CD38: variants seen among roughly 807,000 people sequenced by gnomAD.
CD38 encodes CD38 molecule, also known as ADP-ribosyl cyclase/cyclic ADP-ribose hydrolase 1.
A neutral mutation model predicts 36.3 loss-of-function variants in CD38; 31 were observed. The ratio of observed to expected loss-of-function variants is 0.85; its 90% CI spans 0.64 to 1.15. The LOEUF (loss-of-function observed/expected upper bound fraction) is 1.15. Ranked by LOEUF, CD38 falls within the 50% of genes most tolerant of loss-of-function variation. CD38 has a pLI of 0.00. For missense variants in CD38, 380 were observed against 371.9 expected, an observed-to-expected ratio of 1.02 and a Z score of -0.18; for synonymous variants, 131 against 135.2, an observed-to-expected ratio of 0.97 and a Z score of 0.22.
chr4:15,850,194 G>A lies in CD38; in HGVS notation c.*1592G>A, dbSNP rs1252923810. 2.0e-5 allele frequency: 3 copies of A among 152,240 alleles called. No individual in the cohort carries two copies. The highest frequency in any genetic ancestry group is 4.4e-5 in the Non-Finnish European group (3 of 68,104). 9.4% of individuals were successfully genotyped at this position (152,240 alleles called of 1,614,324 possible). On this transcript the variant is annotated 3_prime_UTR_variant, in exon 8 of 8. Coordinates refer to ENST00000226279, the MANE Select transcript of CD38 (RefSeq NM_001775.4). ...TGCACCTGTAGTCCCAGCTACTCTG[G>A]AGACTGAGGTGGGAGGATTGTTTGA... is the stretch of plus-strand genomic sequence containing the variant.
intron 1 of CD38, among the ~76,000 whole-genome samples, chr4:15,800,660 A>G (rs926340912): frequency 1.3e-5 from 2 of 152,212 alleles, no homozygotes; most frequent in Non-Finnish European, 2.9e-5. Context: ...GAAATTAAGC[A>G]ACATACTCCA....
chr4:15,830,130 A>G (rs546053098), intron 3 of CD38, among the ~76,000 whole-genome samples: 9 of 152,168 alleles, frequency 5.9e-5, no homozygotes, highest in Non-Finnish European at 1.5e-5. Context: ...GCTGGATCAT[A>G]TAATAGCTCT....
chr4:15,833,638 T>C (rs1013545089), intron 3 of CD38, among the ~76,000 whole-genome samples: 9 of 152,236 alleles, frequency 5.9e-5, no homozygotes, highest in African/African-American at 2.2e-4. Flanking sequence ...TTTCTACCTC[T>C]AAGACCTAAA....
intron 1 of CD38, among the ~76,000 whole-genome samples, chr4:15,791,642 T>A (rs868612069): frequency 2.9e-4 from 14 of 48,868 alleles, no homozygotes; most frequent in African/African-American, 2.5e-3. Flanking sequence ...GTCAGCCCCC[T>A]GCCCGGCCAG....
At chr4:15,780,301 T>A (rs1201478658) in intron 1 of CD38, among the ~76,000 whole-genome samples, 2 of 152,154 alleles carry the variant, frequency 1.3e-5, no homozygotes, top group Non-Finnish European at 2.9e-5. Context: ...TCCCACAATC[T>A]CTTGAATGCT....
At chr4:15,826,226 T>C (rs1380741308) in intron 3 of CD38, 3 of 152,168 alleles carry the variant, frequency 2.0e-5, no homozygotes, top group Non-Finnish European at 2.9e-5. Flanking sequence ...AGGGTAACTA[T>C]TATCAGCAAT....
chr4:15,788,600 G>C (rs1722892081), intron 1 of CD38, among the ~76,000 whole-genome samples: 1 of 152,142 alleles, frequency 6.6e-6, no homozygotes, highest in African/African-American at 2.4e-5. Context: ...CTCTGCTGAT[G>C]AAGAACAGAC....
At chr4:15,841,726 G>C (rs1724214156) in intron 7 of CD38, among the ~76,000 whole-genome samples, 1 of 148,780 alleles carries the variant, frequency 6.7e-6, no homozygotes, top group African/African-American at 2.6e-5. Flanking sequence ...GCCGAAGCAG[G>C]GCGAGGCATT....
At chr4:15,799,924 C>T (rs938821334) in intron 1 of CD38, among the ~76,000 whole-genome samples, 4 of 152,154 alleles carry the variant, frequency 2.6e-5, no homozygotes, top group Non-Finnish European at 5.9e-5. Flanking sequence ...CACACTTCAC[C>T]CTCATACAGT....
chr4:15,842,350 CT>C (rs1172669880), intron 7 of CD38, among the ~76,000 whole-genome samples: 3 of 131,124 alleles, frequency 2.3e-5, no homozygotes, highest in Non-Finnish European at 4.8e-5. Context: ...GCTGAGGGTC[CT>C]GTCTGTTAGA....
chr4:15,795,870 C>T (rs57676822), intron 1 of CD38, among the ~76,000 whole-genome samples: 76 of 152,078 alleles, frequency 5.0e-4, no homozygotes, highest in African/African-American at 1.7e-3. Context: ...TATAAATTTC[C>T]GACGGCATAT....
At chr4:15,784,315 G>A (rs1272954229) in intron 1 of CD38, among the ~76,000 whole-genome samples, 3 of 152,222 alleles carry the variant, frequency 2.0e-5, no homozygotes, top group Non-Finnish European at 4.4e-5. Context: ...GAAAGAAATA[G>A]CATTTCAGGT....
intron 2 of CD38, among the ~76,000 whole-genome samples, chr4:15,820,410 T>C (rs28750406): frequency 0.04 from 6,110 of 152,046 alleles, 178 homozygotes; most frequent in African/African-American, 0.074. Flanking sequence ...AGCTGGATAG[T>C]CAAGATCAAT....
At chr4:15,839,532 T>G (rs1371125640) in intron 5 of CD38, among the ~76,000 whole-genome samples, 2 of 146,876 alleles carry the variant, frequency 1.4e-5, no homozygotes, top group Non-Finnish European at 3.0e-5. Context: ...CACGCCATTC[T>G]CCTCCCTCAG....
Position 15,850,830 on chromosome 4 carries a change from T to A in CD38, c.*2228T>A, listed in dbSNP as rs1313405837. On this transcript the variant is annotated 3_prime_UTR_variant, in exon 8 of 8. Coordinates refer to ENST00000226279, the MANE Select transcript of CD38 (RefSeq NM_001775.4). ...TGCCATTAGCTCCCCCTGCAGAATGTCTTCAGAATCGGGGCCCGGTCAGTC... is the reference window on the plus strand; with the variant it reads ...TGCCATTAGCTCCCCCTGCAGAATGACTTCAGAATCGGGGCCCGGTCAGTC... 6.6e-6 allele frequency: 1 copy of A among 152,198 alleles called. No individual in the cohort carries two copies. Among genetic ancestry groups the A allele is most frequent in the East Asian group, 1.9e-4 (1 of 5,198 alleles). 9.4% of individuals were successfully genotyped at this position (152,198 alleles called of 1,614,324 possible). A position where few individuals can be genotyped will look rare whatever the true frequency, so the allele number is the denominator to read the frequency against.
At chr4:15,848,512 A>T in intron 7 of CD38, 27 bp from the exon 8 acceptor site, 3 of 1,591,464 alleles carry the variant, frequency 1.9e-6, no homozygotes, top group African/African-American at 1.3e-5. Flanking sequence ...CGGTCTCTTG[A>T]TTTCCTTTTT....
At chr4:15,823,294 A>G (rs1420221775) in intron 2 of CD38, among the ~76,000 whole-genome samples, 1 of 152,246 alleles carries the variant, frequency 6.6e-6, no homozygotes, top group East Asian at 1.9e-4. Context: ...TGCCAAATGC[A>G]ATTGTAACAA....
At chr4:15,809,822 C>T (rs1020260777) in intron 1 of CD38, among the ~76,000 whole-genome samples, 1 of 152,164 alleles carries the variant, frequency 6.6e-6, no homozygotes, top group Admixed American at 6.6e-5. Flanking sequence ...TGATTCATTC[C>T]TTCTCTGCTC....
At chr4:15,785,045 G>C (rs1263514159) in intron 1 of CD38, among the ~76,000 whole-genome samples, 2 of 123,896 alleles carry the variant, frequency 1.6e-5, no homozygotes, top group Non-Finnish European at 3.3e-5. Flanking sequence ...GACAGAGCAA[G>C]ACTCTGTCTT....
Sources: gnomAD v4.1 joint callset for allele counts (sites outside exome capture counted in the v4.1 genomes callset) on GRCh38, gnomAD v4.1.1 for gene constraint, MANE v1.5 for transcripts, NCBI Gene and HGNC (gene_info 2026-07-23, HGNC 2026-07-21) for gene names.